SHISAL1: variants seen among roughly 807,000 people sequenced by gnomAD.
The protein encoded by SHISAL1 is protein shisa-like-1.
SHISAL1 carries 9 observed loss-of-function variants against 22.6 expected under a neutral mutation model. The observed-to-expected ratio is 0.40, with a 90% CI of 0.24 to 0.70. The LOEUF (loss-of-function observed/expected upper bound fraction) is 0.70. Among genes scored for constraint, SHISAL1 ranks in the 30% least tolerant of loss-of-function variants. The pLI is 0.39. For missense variants in SHISAL1, 246 were observed against 270.6 expected (o/e 0.91, Z 0.64); for synonymous variants, 119 against 115.4 (o/e 1.03, Z -0.20).
chr22:44,256,740 T>C (rs2055087433), intron 4 of SHISAL1, among the ~76,000 whole-genome samples: 1 of 151,656 alleles, frequency 6.6e-6, no homozygotes, highest in East Asian at 2.0e-4. Flanking sequence ...CCAATAACGA[T>C]GCCTGGCACA....
At chr22:44,250,994 G>A (rs533065931) in intron 4 of SHISAL1, among the ~76,000 whole-genome samples, 1 of 152,322 alleles carries the variant, frequency 6.6e-6, no homozygotes, top group East Asian at 1.9e-4. Flanking sequence ...GGGGCTAAGG[G>A]TGAGAGATTC....
intron 3 of SHISAL1, among the ~76,000 whole-genome samples, chr22:44,295,218 C>T (rs928586153): frequency 1.3e-5 from 2 of 151,470 alleles, no homozygotes; most frequent in Admixed American, 6.6e-5. Context: ...ATATCACACT[C>T]TACCTCAATA....
At chr22:44,282,610 G>T (rs1238097073) in intron 4 of SHISAL1, among the ~76,000 whole-genome samples, 2 of 152,246 alleles carry the variant, frequency 1.3e-5, no homozygotes, top group East Asian at 3.9e-4. Context: ...AAAGAGCTGG[G>T]GTGGGCAGGG....
At position 44,296,768 on chromosome 22, in the gene SHISAL1, T is replaced by C. The variant is rs772392017; in HGVS notation, c.185A>G (p.His62Arg). 9.3e-6 allele frequency: 15 copies of C among 1,613,950 alleles called. No individual in the cohort carries two copies. The highest frequency in any genetic ancestry group is 1.3e-5 in the African/African-American group (1 of 74,928). ...DNKTFILCCH[H>R]NNTVFKYCCN... ...GCAGTATTTGAAGACCGTGTTGTTATGGTGACAACAGAGGATGAAGGTCTT... is the reference window on the plus strand; with the variant it reads ...GCAGTATTTGAAGACCGTGTTGTTACGGTGACAACAGAGGATGAAGGTCTT... Residue 62 changes from histidine (H) to arginine (R), a missense_variant, in exon 3 of 5, where the codon CAT becomes CGT. Physicochemically the swap from His to Arg is conservative, Grantham distance 29 (BLOSUM62 0). Coordinates refer to ENST00000381176, the MANE Select transcript of SHISAL1 (RefSeq NM_001099294.2).
At chr22:44,317,813 C>A (rs74317550), upstream of SHISAL1, among the ~76,000 whole-genome samples, 4 of 152,256 alleles carry the variant, frequency 2.6e-5, no homozygotes, top group African/African-American at 9.6e-5. Flanking sequence ...AAGCACCAGG[C>A]TCCACTTTCT....
At chr22:44,285,341 A>C in intron 4 of SHISAL1, 87 bp downstream of exon 4, 8 of 1,413,284 alleles carry the variant, frequency 5.7e-6, no homozygotes, top group Non-Finnish European at 7.9e-6. Context: ...AATGAGCCAA[A>C]CACTATGGCG....
At chr22:44,274,969 G>A (rs2055229605) in intron 4 of SHISAL1, among the ~76,000 whole-genome samples, 1 of 152,222 alleles carries the variant, frequency 6.6e-6, no homozygotes, top group Non-Finnish European at 1.5e-5. Context: ...AGGCTCAGGG[G>A]AGCTACTGGC....
At chr22:44,330,863 C>A in the SHISAL1 span, among the ~76,000 whole-genome samples, 3 of 152,200 alleles carry the variant, frequency 2.0e-5, no homozygotes, top group African/African-American at 7.2e-5. Context: ...GAGGCGACAG[C>A]GGTTCCGCAG....
At position 44,306,814 on chromosome 22, in the gene SHISAL1, C is replaced by CGT. The variant is rs1355905598; in HGVS notation, c.-32-5839_-32-5838dup. Among the ~76,000 whole-genome samples the CGT allele has an allele frequency of 3.9e-5, 5 of 128,500 alleles. No homozygotes were observed. In the Admixed American group the frequency reaches 4.1e-4, roughly 10 times the overall value. 84.3% of individuals were successfully genotyped at this position (128,500 alleles called of 152,430 possible). ...GCTCGGGGAATTGTGATGACGACGGCGTGTGTGGAGGGGACCTGGGCTCGG... is the reference window on the plus strand; with the variant it reads ...GCTCGGGGAATTGTGATGACGACGGCGTGTGTGTGGAGGGGACCTGGGCTCGG... On this transcript the variant is annotated intron_variant, in intron 1 of 4. Transcript: ENST00000381176.
At chr22:44,316,737 C>G (rs2055560611), upstream of SHISAL1, among the ~76,000 whole-genome samples, 1 of 152,188 alleles carries the variant, frequency 6.6e-6, no homozygotes. Context: ...CCGGCTGAAT[C>G]AGAGGCTGCG....
chr22:44,254,963 T>C (rs1434587901), intron 4 of SHISAL1, among the ~76,000 whole-genome samples: 1 of 152,132 alleles, frequency 6.6e-6, no homozygotes, highest in African/African-American at 2.4e-5. Context: ...CAGTGGTCAA[T>C]TCTCAGTCCC....
intron 4 of SHISAL1, among the ~76,000 whole-genome samples, chr22:44,283,213 A>G (rs2055288621): frequency 6.6e-6 from 1 of 152,038 alleles, no homozygotes; most frequent in Non-Finnish European, 1.5e-5. Context: ...GGTTCTGACA[A>G]CCTTTTTTCA....
chr22:44,270,969 G>A (rs2055201829), intron 4 of SHISAL1, among the ~76,000 whole-genome samples: 1 of 152,136 alleles, frequency 6.6e-6, no homozygotes, highest in Non-Finnish European at 1.5e-5. Context: ...CCTCAAACAA[G>A]GGGTAGGTGA....
At chr22:44,261,098 T>TATATATATATATATATATATATATAC (rs1459696750) in intron 4 of SHISAL1, among the ~76,000 whole-genome samples, 2 of 130,276 alleles carry the variant, frequency 1.5e-5, no homozygotes, top group African/African-American at 7.0e-5. Context: ...TATATATATA[T>TATATATATATATATATATATATATAC]ACACTATATG....
chr22:44,289,496 T>TGTGTGTGTGTGTGGGTG (rs768987294), intron 3 of SHISAL1, among the ~76,000 whole-genome samples: 1 of 137,754 alleles, frequency 7.3e-6, no homozygotes, highest in African/African-American at 2.7e-5. Flanking sequence ...GTGTGTGTGT[T>TGTGTGTGTGTGTGGGTG]TACTGCCGGG....
chr22:44,310,961 T>C lies in SHISAL1; in HGVS notation c.-33+1790A>G, dbSNP rs78497017. Among the ~76,000 whole-genome samples the C allele has an allele frequency of 1.4e-4, 21 of 152,222 alleles. No individual in the cohort carries two copies. The East Asian group carries it at 3.5e-3, about 25-fold the overall frequency. ...AGAGTAGGAACTCCATTAGCACTCG[T>C]TGGCCTGGTTTGTTTTATTGCAAAG... On this transcript the variant is annotated intron_variant, in intron 1 of 4. Transcript: ENST00000381176. This position sits in a 1 kb window ranked among gnomAD's most constrained non-coding sequence, Gnocchi z 4.0.
intron 4 of SHISAL1, among the ~76,000 whole-genome samples, chr22:44,281,549 G>A (rs135397): frequency 6.6e-6 from 1 of 151,882 alleles, no homozygotes; most frequent in Admixed American, 6.6e-5. Flanking sequence ...GGCTCTCTAC[G>A]CCTGGGAGGA....
Position 44,262,351 on chromosome 22 carries a change from A to G in SHISAL1, c.*-12666T>C, listed in dbSNP as rs572913284. The stretch of plus-strand genomic sequence containing the variant: ...AGCCACAAAGCCTTCATCTGCCAGG[A>G]GAAGGTGTCTGGACCTGATCCCAAA... On this transcript the variant is annotated intron_variant, in intron 4 of 4. Coordinates refer to ENST00000381176, the MANE Select transcript of SHISAL1 (RefSeq NM_001099294.2). 1.1e-3 allele frequency among the ~76,000 whole-genome samples: 169 copies of G among 152,334 alleles called. 4 individuals carry two copies. In the South Asian group the frequency reaches 0.021, roughly 19 times the overall value.
At chr22:44,271,137 A>G (rs1255581089) in intron 4 of SHISAL1, among the ~76,000 whole-genome samples, 1 of 151,986 alleles carries the variant, frequency 6.6e-6, no homozygotes, top group Non-Finnish European at 1.5e-5. Flanking sequence ...TGCCAGGTGG[A>G]GCTCATTTAC....
Sources: gnomAD v4.1 joint callset for allele counts (sites outside exome capture counted in the v4.1 genomes callset) on GRCh38, gnomAD v4.1.1 for gene constraint, Gnocchi (gnomAD v3.1) non-coding constraint, MANE v1.5 for transcripts, NCBI Gene and HGNC (gene_info 2026-07-23, HGNC 2026-07-21) for gene names.